ITIH3: variants seen among roughly 807,000 people sequenced by gnomAD.
ITIH3 encodes the protein inter-alpha-trypsin inhibitor heavy chain 3.
ITIH3 carries 81 observed loss-of-function variants against 96.5 expected under a neutral mutation model. The ratio of observed to expected loss-of-function variants is 0.84; its 90% CI spans 0.70 to 1.01. The LOEUF is 1.01. ITIH3 is among the 50% of genes least tolerant of loss of function. The pLI is 0.00. For synonymous variants in ITIH3, 422 were observed against 445.2 expected (o/e 0.95, Z 0.66); for missense variants, 1,057 against 1,139.3 (o/e 0.93, Z 1.04).
rs747043264 is a variant in ITIH3, at chr3:52,796,532, T to A, written c.166T>A (p.Ser56Thr). The A allele has an allele frequency of 6.2e-7, 1 of 1,613,490 alleles. No homozygotes were observed. The highest frequency in any genetic ancestry group is 1.7e-5 in the Admixed American group (1 of 59,988). ...YSTKINSKVT[S>T]RFAHNVVTMR... ...TACCAAAATCAACTCCAAGGTGACCTCCCGTTTTGCTCACAATGTTGTCAC... is the reference window on the plus strand; with the variant it reads ...TACCAAAATCAACTCCAAGGTGACCACCCGTTTTGCTCACAATGTTGTCAC... Residue 56 changes from serine to threonine, a missense_variant, in exon 3 of 22, where the codon TCC (serine) becomes ACC (threonine). Transcript: ENST00000449956.
intron 19 of ITIH3, among the ~76,000 whole-genome samples, chr3:52,807,372 C>G (rs1184526078): frequency 6.6e-6 from 1 of 152,200 alleles, no homozygotes; most frequent in Non-Finnish European, 1.5e-5. Flanking sequence ...CCATTTGCCT[C>G]TTCTGTGGCT....
At chr3:52,805,647 G>C in intron 15 of ITIH3, 161 bp from the exon 16 acceptor site, 1 of 1,452,222 alleles carries the variant, frequency 6.9e-7, no homozygotes, top group Non-Finnish European at 9.1e-7. Context: ...CCCTGGACGT[G>C]CCCGATTTCC....
At chr3:52,797,338 A>C in intron 5 of ITIH3, 71 bp downstream of exon 5, 7 of 1,478,386 alleles carry the variant, frequency 4.7e-6, no homozygotes, top group South Asian at 1.3e-5. Flanking sequence ...GGGCAGTCTC[A>C]GACAGGGGTC....
intron 19 of ITIH3, among the ~76,000 whole-genome samples, chr3:52,807,360 C>T (rs1161790506): frequency 6.6e-6 from 1 of 152,146 alleles, no homozygotes; most frequent in African/African-American, 2.4e-5. Context: ...TGATAATGGC[C>T]CCCATTTGCC....
chr3:52,796,838 G>A lies in ITIH3; in HGVS notation c.381G>A (p.Leu127=). 6.2e-7 allele frequency: 1 copy of A among 1,602,526 alleles called. No homozygotes were observed. Among genetic ancestry groups the A allele is most frequent in the Non-Finnish European group, 8.5e-7 (1 of 1,174,684 alleles). ...KAVSQGKTAG[L]VKASGRKLEK... ...TGTCCCAGGGCAAGACGGCCGGCTT[G>A]GTCAAGTAAGTATGGACTCCCAGGC... The change falls in exon 4 of 22, where the codon TTG becomes TTA. Residue 127 remains leucine (L), a synonymous_variant. Transcript: ENST00000449956.
At chr3:52,801,692 A>C (rs992555795) in intron 11 of ITIH3, among the ~76,000 whole-genome samples, 1 of 152,230 alleles carries the variant, frequency 6.6e-6, no homozygotes, top group African/African-American at 2.4e-5. Context: ...TTTAATAAGG[A>C]CATCAATCAT....
rs774277531 is a variant in ITIH3, at chr3:52,803,838, CT to C, written c.1710-16del. 1 of 1,613,546 alleles carries C rather than the reference CT, an allele frequency of 6.2e-7. No homozygotes were observed. Among genetic ancestry groups the C allele is most frequent in the Non-Finnish European group, 8.5e-7 (1 of 1,179,726 alleles). ...GCTGCTCTCCAGGCTGTCCTCCTGA[CT>C]GGCCCCTCCTCACAGCAAGAACGCC... On this transcript the variant is annotated splice_polypyrimidine_tract_variant and intron_variant, in intron 13 of 21. Transcript: ENST00000449956.
chr3:52,798,042 G>A (rs1699664159), intron 6 of ITIH3, 112 bp downstream of exon 6: 3 of 670,340 alleles, frequency 4.5e-6, no homozygotes, highest in East Asian at 2.8e-5. Context: ...GTGTTGGGGT[G>A]GGGCTGGGGA....
Position 52,802,322 on chromosome 3 carries a change from T to C in ITIH3, c.1384-12T>C. 1 of 1,613,286 alleles carries C rather than the reference T, an allele frequency of 6.2e-7. No homozygotes were observed. The highest frequency in any genetic ancestry group is 8.5e-7 in the Non-Finnish European group (1 of 1,179,632). The stretch of plus-strand genomic sequence containing the variant: ...CTGGGGCTTGAGATGACTGGCCCCG[T>C]GCGAACTTCAGGGCTTCTATGAGGA... On this transcript the variant is annotated splice_polypyrimidine_tract_variant and intron_variant, in intron 11 of 21. Coordinates refer to ENST00000449956, the MANE Select transcript of ITIH3 (RefSeq NM_002217.4).
At position 52,808,132 on chromosome 3, in the gene ITIH3, C is replaced by A; in HGVS notation, c.2454C>A (p.Asp818Glu). 2.5e-6 allele frequency: 4 copies of A among 1,614,190 alleles called. No individual in the cohort carries two copies. The South Asian group carries it at 4.4e-5, about 18-fold the overall frequency. ...CAGGGCAATTCTTCCAACCCTTTGA[C>A]TTTAAAGTGTCTGACATCCGGCCAG... ...GLLGQFFQPFDFKVSDIRPGS... is the reference protein window; with the variant it reads ...GLLGQFFQPFEFKVSDIRPGS... The change falls in exon 21 of 22, where the codon GAC becomes GAA. Residue 818 changes from aspartate to glutamate, a missense_variant. Coordinates refer to ENST00000449956, the MANE Select transcript of ITIH3 (RefSeq NM_002217.4).
Position 52,799,085 on chromosome 3 carries a change from C to G in ITIH3, c.783C>G (p.Asn261Lys). ...TYDVNRESPGNVQIVNGYFVH... is the reference protein window; with the variant it reads ...TYDVNRESPGKVQIVNGYFVH... The stretch of plus-strand genomic sequence containing the variant: ...ACGTGAACAGAGAATCTCCTGGCAA[C>G]GTGCAGGTACCCGGGCTGGCTGATT... The change falls in exon 7 of 22, where the codon AAC becomes AAG. Residue 261 changes from asparagine to lysine, a missense_variant. Physicochemically the swap from Asn to Lys is moderately conservative, Grantham distance 94. Transcript: ENST00000449956. 1 of 1,613,450 alleles carries G rather than the reference C, an allele frequency of 6.2e-7. No individual in the cohort carries two copies. Among genetic ancestry groups the G allele is most frequent in the South Asian group, 1.1e-5 (1 of 90,852 alleles).
chr3:52,800,465 C>T, intron 9 of ITIH3, 73 bp from the exon 10 acceptor site: 1 of 1,534,128 alleles, frequency 6.5e-7, no homozygotes, highest in East Asian at 2.5e-5. Flanking sequence ...GTCCCGGCCT[C>T]CTCCGCTCCA....
chr3:52,804,910 C>A, intron 15 of ITIH3, 176 bp downstream of exon 15: 2 of 685,812 alleles, frequency 2.9e-6, no homozygotes, highest in Non-Finnish European at 2.5e-6. Context: ...GCCTGAGGAT[C>A]CCTGTGAGTT....
At position 52,806,957 on chromosome 3, in the gene ITIH3, A is replaced by G. The variant is rs573470230; in HGVS notation, c.2113A>G (p.Thr705Ala). The change falls in exon 19 of 22, where the codon ACC becomes GCC. Residue 705 changes from threonine to alanine, a missense_variant. Thr to Ala is a moderately conservative substitution (Grantham distance 58). Transcript: ENST00000449956. ...CAAGAGAGGCAGCCCTGACTCCAAGACCAGAAAGACTTACTTTGGAAAACT... is the reference window on the plus strand; with the variant it reads ...CAAGAGAGGCAGCCCTGACTCCAAGGCCAGAAAGACTTACTTTGGAAAACT... ...GDKRGSPDSK[T>A]RKTYFGKLGI... 1.3e-6 allele frequency: 2 copies of G among 1,593,752 alleles called. No homozygotes were observed. Among genetic ancestry groups the G allele is most frequent in the South Asian group, 2.3e-5 (2 of 87,310 alleles).
In ITIH3 at chr3:52,801,055, T is replaced by C. The variant is rs1165192592; in HGVS notation, c.1292T>C (p.Leu431Pro). Residue 431 changes from leucine (L) to proline (P), a missense_variant, in exon 11 of 22, where the codon CTG becomes CCG. By Grantham distance (98) the Leu-to-Pro change is moderately conservative. Transcript: ENST00000449956. ...PLYNLGFGNN[L>P]NYNFLENMAL... ...TATAACCTGGGCTTTGGCAACAATCTGAATTATAACTTCCTGGAGAACATG... is the reference window on the plus strand; with the variant it reads ...TATAACCTGGGCTTTGGCAACAATCCGAATTATAACTTCCTGGAGAACATG... 2 of 1,613,720 alleles carry C rather than the reference T, an allele frequency of 1.2e-6. No individual in the cohort carries two copies.
intron 15 of ITIH3, 28 bp downstream of exon 15, chr3:52,804,762 G>A (rs1208040732): frequency 6.3e-7 from 1 of 1,584,684 alleles, no homozygotes; most frequent in Non-Finnish European, 8.6e-7. Context: ...CACCGGGTTG[G>A]GCATTATGGA....
intron 16 of ITIH3, 62 bp from the exon 17 acceptor site, chr3:52,806,041 G>T: frequency 6.4e-7 from 1 of 1,556,090 alleles, no homozygotes; most frequent in South Asian, 1.2e-5. Context: ...TCCTATGGGG[G>T]TCGTCGGGCG....
At position 52,803,704 on chromosome 3, in the gene ITIH3, C is replaced by A. The variant is rs968528173; in HGVS notation, c.1710-151C>A. The A allele has an allele frequency of 5.0e-6, 4 of 794,314 alleles. No homozygotes were observed. The African/African-American group carries it at 5.2e-5, about 10-fold the overall frequency. The allele number at this position is 794,314 out of a possible 1,614,324, so 49.2% of individuals were successfully genotyped here. A position where few individuals can be genotyped will look rare whatever the true frequency, so the allele number is the denominator to read the frequency against. Reference sequence around the variant, plus strand: ...ATGCCCCAGGGAGTTGTGAGCCAGTCTTCTCTGAGCCCAACTGGGCTGTAC... The same window carrying A: ...ATGCCCCAGGGAGTTGTGAGCCAGTATTCTCTGAGCCCAACTGGGCTGTAC... On this transcript the variant is annotated intron_variant, in intron 13 of 21. Transcript: ENST00000449956.
Position 52,801,023 on chromosome 3 carries a change from C to T in ITIH3, c.1260C>T (p.Phe420=). Residue 420 remains phenylalanine (F), a synonymous_variant, in exon 11 of 22, where the codon TTC becomes TTT. Coordinates refer to ENST00000449956, the MANE Select transcript of ITIH3 (RefSeq NM_002217.4). ...TGCGGAATGCCATCGGGGGCAAGTT[C>T]CCCTTGTATAACCTGGGCTTTGGCA... ...ENVRNAIGGK[F]PLYNLGFGNN... The T allele has an allele frequency of 1.2e-6, 2 of 1,614,062 alleles. No homozygotes were observed. The highest frequency in any genetic ancestry group is 1.7e-6 in the Non-Finnish European group (2 of 1,179,892).
Sources: allele counts gnomAD v4.1 joint callset (sites outside exome capture counted in the v4.1 genomes callset), GRCh38; gene constraint gnomAD v4.1.1; transcripts MANE v1.5; gene names NCBI Gene and HGNC (gene_info 2026-07-23, HGNC 2026-07-21).